Variants in AFF2 observed in about 807,000 individuals in gnomAD.
AFF2 encodes ALF transcription elongation factor 2, also known as AF4/FMR2 family member 2.
AFF2 carries 14 observed loss-of-function variants against 76.9 expected under a neutral mutation model. The ratio of observed to expected loss-of-function variants is 0.18; its 90% confidence interval spans 0.12 to 0.28. AFF2 has a LOEUF of 0.28. Among genes scored for constraint, AFF2 ranks in the 10% least tolerant of loss-of-function variants. The probability of loss-of-function intolerance (pLI) is 1.00; values close to 1 mark genes in which losing one functional copy is unlikely to be tolerated. For synonymous variants in AFF2, 398 were observed against 366.7 expected (o/e 1.09, Z -0.98); for missense variants, 868 against 1,001.1 (o/e 0.87, Z 1.79).
intron 9 of AFF2, among the ~76,000 whole-genome samples, chrX:148,935,944 G>A (rs1017646089): frequency 9.3e-6 from 1 of 107,146 alleles, no homozygotes; most frequent in Admixed American, 1.0e-4. Context: ...AAGCAGGAAA[G>A]CCGTGGAAAA....
intron 13 of AFF2, 141 bp downstream of exon 13, chrX:148,963,078 C>A (rs1283951794): frequency 6.6e-6 from 3 of 453,022 alleles, no homozygotes; most frequent in African/African-American, 2.5e-5. Flanking sequence ...TATACAAATA[C>A]ACAAACTTTC....
intron 1 of AFF2, among the ~76,000 whole-genome samples, chrX:148,633,710 G>T (rs2054001909): frequency 8.9e-6 from 1 of 112,302 alleles, no homozygotes; most frequent in African/African-American, 3.2e-5. Context: ...ATCCCACACA[G>T]TCTGGAATAT....
intron 1 of AFF2, among the ~76,000 whole-genome samples, chrX:148,559,586 C>T (rs1275622775): frequency 9.0e-6 from 1 of 111,280 alleles, no homozygotes; most frequent in Non-Finnish European, 1.9e-5. Flanking sequence ...CATCCATGTC[C>T]CTGCAAAGGA....
intron 19 of AFF2, among the ~76,000 whole-genome samples, chrX:148,981,894 A>C (rs1461664185): frequency 2.7e-5 from 3 of 112,733 alleles, no homozygotes; most frequent in Non-Finnish European, 5.6e-5. Context: ...AGATCCATTG[A>C]AAACTACACA....
chrX:148,635,620 C>T (rs1040359885), intron 1 of AFF2, among the ~76,000 whole-genome samples: 5 of 111,530 alleles, frequency 4.5e-5, no homozygotes, highest in African/African-American at 9.8e-5. Flanking sequence ...GAATAAGTGA[C>T]GTTGAAGAGA....
chrX:148,852,673 G>A (rs1050759247), intron 7 of AFF2, among the ~76,000 whole-genome samples: 2 of 111,013 alleles, frequency 1.8e-5, no homozygotes, highest in African/African-American at 3.3e-5. Flanking sequence ...CTATATACCT[G>A]GCACCATGAA....
Position 148,856,442 on chromosome X carries a change from T to C in AFF2, c.1262+13009T>C, listed in dbSNP as rs150583914. ...TTTATAGCCAGTAATGATGGATTCATTACTTGAACTTATGTCTGGTTGACT... is the reference window on the plus strand; with the variant it reads ...TTTATAGCCAGTAATGATGGATTCACTACTTGAACTTATGTCTGGTTGACT... On this transcript the variant is annotated intron_variant, in intron 7 of 20. Transcript: ENST00000370460. 5.9e-3 allele frequency among the ~76,000 whole-genome samples: 659 copies of C among 111,417 alleles called. 5 individuals carry two copies. The highest frequency in any genetic ancestry group is 0.021 in the African/African-American group (635 of 30,632).
intron 3 of AFF2, among the ~76,000 whole-genome samples, chrX:148,753,388 A>C (rs2055525149): frequency 9.0e-6 from 1 of 111,585 alleles, no homozygotes; most frequent in Admixed American, 9.5e-5. Flanking sequence ...TGTGGAGTAA[A>C]TTTTAAGTGC....
chrX:148,779,482 C>G (rs1387975246), intron 3 of AFF2, among the ~76,000 whole-genome samples: 2 of 111,793 alleles, frequency 1.8e-5, no homozygotes, highest in African/African-American at 3.3e-5. Context: ...GAGTCTAAGT[C>G]TCTTTGTAGG....
At chrX:148,560,387 A>C (rs1173271427) in intron 1 of AFF2, among the ~76,000 whole-genome samples, 1 of 112,204 alleles carries the variant, frequency 8.9e-6, no homozygotes, top group Non-Finnish European at 1.9e-5. Context: ...TTAACTCAAG[A>C]TGGATTAAAG....
intron 1 of AFF2, among the ~76,000 whole-genome samples, chrX:148,642,672 T>A (rs1419556015): frequency 1.8e-5 from 2 of 111,795 alleles, no homozygotes; most frequent in Admixed American, 1.9e-4. Flanking sequence ...CAAGGGCTCA[T>A]CAAGAGCAGA....
intron 1 of AFF2, among the ~76,000 whole-genome samples, chrX:148,586,654 A>T (rs782429885): frequency 8.9e-6 from 1 of 112,364 alleles, no homozygotes; most frequent in Admixed American, 9.4e-5. Flanking sequence ...ATATTGGACT[A>T]ATAAGAGATG....
chrX:148,704,083 G>A (rs1378289936), intron 3 of AFF2, among the ~76,000 whole-genome samples: 1 of 101,686 alleles, frequency 9.8e-6, no homozygotes, highest in Non-Finnish European at 2.0e-5. Context: ...ATAAATATAT[G>A]CCTATAATTA....
chrX:148,724,543 A>G (rs1450271711), intron 3 of AFF2, among the ~76,000 whole-genome samples: 1 of 112,348 alleles, frequency 8.9e-6, no homozygotes, highest in Admixed American at 9.4e-5. Context: ...TCTTTTACCT[A>G]CTTTGCCCTT....
intron 1 of AFF2, among the ~76,000 whole-genome samples, chrX:148,625,601 A>G (rs1018478820): frequency 9.0e-6 from 1 of 110,761 alleles, no homozygotes; most frequent in Non-Finnish European, 1.9e-5. Context: ...GACATCAGAA[A>G]CTTCAGATGC....
intron 3 of AFF2, among the ~76,000 whole-genome samples, chrX:148,694,043 A>T (rs1557261025): frequency 9.1e-6 from 1 of 109,750 alleles, no homozygotes; most frequent in Non-Finnish European, 1.9e-5. Flanking sequence ...ATTGGAAATC[A>T]TCATTCTCAG....
At chrX:148,719,098 G>T (rs1476424599) in intron 3 of AFF2, 177 of 1,106,355 alleles carry the variant, frequency 1.6e-4, no homozygotes, top group Non-Finnish European at 2.0e-4. Context: ...GTGAGTTTTG[G>T]TTGTGGCAAC....
chrX:148,574,975 TGTGTGTGTGTGAGA>T (rs1425602020), intron 1 of AFF2, among the ~76,000 whole-genome samples: 1 of 107,253 alleles, frequency 9.3e-6, no homozygotes, highest in Non-Finnish European at 1.9e-5. Context: ...TGTGTGTGTG[TGTGTGTGTGTGAGA>T]GAGAGACTGA....
chrX:148,695,300 C>T (rs1329292310), intron 3 of AFF2, among the ~76,000 whole-genome samples: 1 of 112,119 alleles, frequency 8.9e-6, no homozygotes, highest in Non-Finnish European at 1.9e-5. Context: ...ATGTTGCTGA[C>T]ACCTGGTCAT....
Sources: gnomAD v4.1 joint callset for allele counts (sites outside exome capture counted in the v4.1 genomes callset) on GRCh38, gnomAD v4.1.1 for gene constraint, MANE v1.5 for transcripts, NCBI Gene and HGNC (gene_info 2026-07-23, HGNC 2026-07-21) for gene names.